Variants in NEB observed in about 807,000 individuals in gnomAD.
NEB encodes the protein nemaline myopathy type 2.
Under a neutral mutation model 952.2 loss-of-function variants are expected in NEB, and 512 were observed. That is an observed-to-expected ratio of 0.54 (90% CI 0.50 to 0.58). NEB has a LOEUF of 0.58. Among genes scored for constraint, NEB ranks in the 20% least tolerant of loss-of-function variants. NEB has a pLI of 0.00. For synonymous variants in NEB, 2,900 were observed against 3,149.8 expected (o/e 0.92, Z 2.66); for missense variants, 8,428 against 9,231.1 (o/e 0.91, Z 3.56).
chr2:151,719,878 C>A (rs1447978295), intron 9 of NEB, among the ~76,000 whole-genome samples: 1 of 102,404 alleles, frequency 9.8e-6, no homozygotes, highest in East Asian at 2.4e-4. Context: ...GAGAGTGAGA[C>A]CCTGTCTCAA....
chr2:151,682,885 A>T, intron 28 of NEB, 116 bp from the exon 29 acceptor site: 2 of 825,780 alleles, frequency 2.4e-6, no homozygotes, highest in South Asian at 3.4e-5. Context: ...TCCTTACTCC[A>T]GACATTAAGG....
chr2:151,718,291 C>T (rs71415174), intron 9 of NEB, among the ~76,000 whole-genome samples: 4,398 of 152,256 alleles, frequency 0.029, 88 homozygotes, highest in Middle Eastern at 0.078. Context: ...GACTCTGAAC[C>T]CCAGCACTTA....
At position 151,665,559 on chromosome 2, in the gene NEB, A is replaced by T. The variant is rs775020469; in HGVS notation, c.5032-20T>A. The stretch of plus-strand genomic sequence containing the variant: ...CAGATTCTTTACAATGAGAAAAAAA[A>T]TTTCATTTCAGAAAGAGTCAGGGCT... On this transcript the variant is annotated intron_variant, in intron 41 of 181. Transcript: ENST00000397345. 2.6e-6 allele frequency: 4 copies of T among 1,533,086 alleles called. No individual in the cohort carries two copies. The highest frequency in any genetic ancestry group is 2.5e-5 in the South Asian group (2 of 81,354). 95.0% of individuals were successfully genotyped at this position (1,533,086 alleles called of 1,614,324 possible).
rs1209337932 is a variant in NEB, at chr2:151,545,950, T to C, written c.20515A>G (p.Lys6839Glu). Reference protein sequence around the residue: ...DKARKMRDKYKVVLDTPEYRK... With the variant: ...DKARKMRDKYEVVLDTPEYRK... The stretch of plus-strand genomic sequence containing the variant: ...TATTCTGGAGTGTCAAGCACCACTT[T>C]GTATTTGTCTCGCATCTTCCTTGCC... The change falls in exon 135 of 182, where the codon AAA becomes GAA. Residue 6839 changes from lysine (K) to glutamate (E), a missense_variant. Around this residue, in one of 11 missense-constraint regions of NEB, gnomAD observed 3,374 missense variants for 3,651.5 expected, o/e 0.92. Coordinates refer to ENST00000397345, the MANE Select transcript of NEB (RefSeq NM_001164508.2). The C allele has an allele frequency of 1.2e-6, 2 of 1,611,072 alleles. No individual in the cohort carries two copies. Among genetic ancestry groups the C allele is most frequent in the East Asian group, 2.2e-5 (1 of 44,796 alleles).
chr2:151,561,490 C>T (rs1010130208), intron 121 of NEB, among the ~76,000 whole-genome samples, 178 bp from the exon 122 acceptor site: 3 of 151,626 alleles, frequency 2.0e-5, no homozygotes, highest in African/African-American at 7.3e-5. Flanking sequence ...AATAGCTTCT[C>T]TTGACTGAGA....
intron 27 of NEB, 105 bp downstream of exon 27, chr2:151,687,314 T>C (rs558576817): frequency 1.1e-6 from 1 of 929,026 alleles, no homozygotes; most frequent in South Asian, 1.6e-5. Context: ...GTGAATGTGA[T>C]GTGAAAGAGC....
At chr2:151,634,082 T>C in intron 64 of NEB, 117 bp from the exon 65 acceptor site, 1 of 1,170,492 alleles carries the variant, frequency 8.5e-7, no homozygotes, top group South Asian at 1.6e-5. Context: ...AAGTACTAAC[T>C]CAAGCCAGTA....
At position 151,555,042 on chromosome 2, in the gene NEB, G is replaced by A. The variant is rs754491465; in HGVS notation, c.19317C>T (p.Ile6439=). The A allele has an allele frequency of 3.9e-5, 61 of 1,567,100 alleles. No homozygotes were observed. Among genetic ancestry groups the A allele is most frequent in the Middle Eastern group, 1.7e-4 (1 of 5,992 alleles). ...AKNQKHLASH[I]KYREEYEKFK... ...ACTTTTCATATTCTTCCCGATATTT[G>A]ATCTATAGAGAATAAGTAGAAAGGA... Residue 6439 remains isoleucine (I), a splice_region_variant and synonymous_variant, in exon 125 of 182, where the codon ATC becomes ATT. Transcript: ENST00000397345.
At position 151,490,504 on chromosome 2, in the gene NEB, G is replaced by A. The variant is rs373551215; in HGVS notation, c.25165C>T (p.Arg8389Trp). ...GCAGATCGTGACTGCTCCCGGCTCC[G>A]GCGCTGAGCTTGGACTGGGAGAGAT... ...LHMINVQAQR[R>W]SREQSRSASA... is the part of the protein sequence containing the mutation. Residue 8389 changes from arginine to tryptophan, a missense_variant, in exon 180 of 182, where the codon CGG becomes TGG. This residue lies in a region of NEB where 3,374 missense variants were observed against 3,651.5 expected (regional missense o/e 0.92). Transcript: ENST00000397345. The A allele has an allele frequency of 7.6e-5, 122 of 1,609,076 alleles. 2 individuals are homozygous for A. In the South Asian group the frequency reaches 7.8e-4, roughly 10 times the overall value.
rs546621564 is a variant in NEB, at chr2:151,667,786, C to T, written c.4719+18G>A. 38 of 1,601,586 alleles carry T rather than the reference C, an allele frequency of 2.4e-5. No individual in the cohort carries two copies. The South Asian group carries it at 3.8e-4, about 16-fold the overall frequency. On this transcript the variant is annotated intron_variant, in intron 40 of 181. Coordinates refer to ENST00000397345, the MANE Select transcript of NEB (RefSeq NM_001164508.2). ...AGTCTTTTAGATAGAAAGTTTCCTA[C>T]TTTTAAGTTAGACTTACATCACTAG...
At chr2:151,675,175 G>A (rs2099349709) in intron 35 of NEB, 112 bp downstream of exon 35, 2 of 784,806 alleles carry the variant, frequency 2.5e-6, no homozygotes, top group African/African-American at 1.7e-5. Context: ...GTTCCAGTAG[G>A]GGATTTGTGA....
chr2:151,505,743 A>T (rs2068305931), intron 164 of NEB, among the ~76,000 whole-genome samples, 173 bp from the exon 165 acceptor site: 1 of 152,220 alleles, frequency 6.6e-6, no homozygotes, highest in Non-Finnish European at 1.5e-5. Flanking sequence ...TAAGAGGAGA[A>T]CAATTCCAAG....
intron 159 of NEB, 50 bp downstream of exon 159, chr2:151,514,268 A>G (rs1167447581): frequency 7.6e-7 from 1 of 1,319,160 alleles, no homozygotes; most frequent in African/African-American, 1.5e-5. Flanking sequence ...TTGGCTAACA[A>G]AGAAATGATG....
chr2:151,618,426 A>T lies in NEB; in HGVS notation c.10925T>A (p.Ile3642Asn), dbSNP rs201614105. 6.2e-7 allele frequency: 1 copy of T among 1,613,812 alleles called. No homozygotes were observed. The highest frequency in any genetic ancestry group is 8.5e-7 in the Non-Finnish European group (1 of 1,179,858). ...EWMKGIGWVP[I>N]DSLEVVRAKR... is the part of the protein sequence containing the mutation. ...GGCCCTAACAACTTCCAAGGAATCAATCGGAACCCAGCCAATGCCTTTCAT... is the reference window on the plus strand; with the variant it reads ...GGCCCTAACAACTTCCAAGGAATCATTCGGAACCCAGCCAATGCCTTTCAT... The change falls in exon 74 of 182, where the codon ATT (isoleucine) becomes AAT (asparagine). Residue 3642 changes from isoleucine to asparagine, a missense_variant. Coordinates refer to ENST00000397345, the MANE Select transcript of NEB (RefSeq NM_001164508.2).
chr2:151,629,653 A>G lies in NEB; in HGVS notation c.9724-7T>C. 1 of 1,605,938 alleles carries G rather than the reference A, an allele frequency of 6.2e-7. No homozygotes were observed. The highest frequency in any genetic ancestry group is 8.5e-7 in the Non-Finnish European group (1 of 1,172,804). On this transcript the variant is annotated splice_polypyrimidine_tract_variant and splice_region_variant and intron_variant, in intron 67 of 181. Transcript: ENST00000397345. ...TGGCAAGTTTGTATAGAGTCTATGA[A>G]AAGAAAGGCAAAGAGTTAAAGCAAA...
intron 153 of NEB, among the ~76,000 whole-genome samples, chr2:151,522,329 A>G (rs574315546): frequency 5.9e-5 from 9 of 152,358 alleles, no homozygotes; most frequent in Admixed American, 4.6e-4. Flanking sequence ...CTGAGAAACT[A>G]TATTAAATAC....
chr2:151,698,606 T>G (rs934992620), intron 13 of NEB, among the ~76,000 whole-genome samples: 13 of 151,894 alleles, frequency 8.6e-5, no homozygotes, highest in African/African-American at 2.9e-4. Context: ...AGCTTCATCC[T>G]TGTTGTACCC....
At chr2:151,660,076 C>A (rs1409465137) in intron 46 of NEB, among the ~76,000 whole-genome samples, 1 of 152,160 alleles carries the variant, frequency 6.6e-6, no homozygotes, top group Admixed American at 6.5e-5. Context: ...AGCTGTCTCA[C>A]TCAAGAGTAT....
intron 78 of NEB, among the ~76,000 whole-genome samples, chr2:151,611,070 G>A (rs1416865786): frequency 6.6e-6 from 1 of 152,110 alleles, no homozygotes; most frequent in Non-Finnish European, 1.5e-5. Context: ...GCTGTACAAT[G>A]GTTTCATAAT....
Sources: gnomAD v4.1 joint callset for allele counts (sites outside exome capture counted in the v4.1 genomes callset) on GRCh38, gnomAD v4.1.1 for gene constraint, gnomAD v4.1.1 regional missense constraint, MANE v1.5 for transcripts, NCBI Gene and HGNC (gene_info 2026-07-23, HGNC 2026-07-21) for gene names.